The following NEK4 variants were observed in gnomAD, a reference collection of about 807,000 sequenced individuals.
The protein encoded by NEK4 is serine/threonine-protein kinase Nek4.
NEK4 carries 86 observed loss-of-function variants against 98.4 expected under a neutral mutation model. That is an observed-to-expected ratio of 0.87 (90% CI 0.73 to 1.05). The LOEUF (loss-of-function observed/expected upper bound fraction) is 1.05. Among genes scored for constraint, NEK4 ranks in the 50% least tolerant of loss-of-function variants. The pLI, the probability that NEK4 is intolerant of heterozygous loss-of-function variation, is 0.00. For missense variants in NEK4, 898 were observed against 950.3 expected (o/e 0.94, Z 0.72); for synonymous variants, 328 against 342.2 (o/e 0.96, Z 0.46).
chr3:52,751,878 T>A lies in NEK4; in HGVS notation c.1368+54A>T, dbSNP rs539600762. On this transcript the variant is annotated intron_variant, in intron 7 of 15. Transcript: ENST00000233027. ...ACAACAGAACCCACATATTTGTAAC[T>A]GCACTTTCAGTCTTCTCTCCAAAAC... The A allele has an allele frequency of 4.0e-6, 6 of 1,503,260 alleles. No homozygotes were observed. In the South Asian group the frequency reaches 6.3e-5, roughly 16 times the overall value. 93.1% of individuals were successfully genotyped at this position (1,503,260 alleles called of 1,614,324 possible).
At chr3:52,731,842 C>CCA (rs2097369968) in intron 15 of NEK4, among the ~76,000 whole-genome samples, 1 of 152,228 alleles carries the variant, frequency 6.6e-6, no homozygotes, top group South Asian at 2.1e-4. Flanking sequence ...CCCATAATCC[C>CCA]CACGTGTCGT....
At position 52,746,159 on chromosome 3, in the gene NEK4, C is replaced by T. The variant is rs563056783; in HGVS notation, c.1729G>A (p.Val577Met). 8.1e-6 allele frequency: 13 copies of T among 1,614,066 alleles called. No individual in the cohort carries two copies. In the Middle Eastern group the frequency reaches 8.2e-4, roughly 102 times the overall value. ...TCTTTTTGTGTTGATGTGACATCCA[C>T]TTTCCCAACAATGGGATGAGAAGGC... ...FLPSHPIVGK[V>M]DVTSTQKEAE... is the part of the protein sequence containing the mutation. Residue 577 changes from valine to methionine, a missense_variant, in exon 10 of 16, where the codon GTG becomes ATG. Coordinates refer to ENST00000233027, the MANE Select transcript of NEK4 (RefSeq NM_003157.6).
At chr3:52,718,768 T>C (rs2097357506) in intron 15 of NEK4, among the ~76,000 whole-genome samples, 1 of 152,116 alleles carries the variant, frequency 6.6e-6, no homozygotes, top group Non-Finnish European at 1.5e-5. Context: ...GGCCCTTTTT[T>C]TTGAGACGGA....
chr3:52,752,465 C>G, intron 6 of NEK4, 129 bp from the exon 7 acceptor site: 1 of 800,362 alleles, frequency 1.2e-6, no homozygotes, highest in Non-Finnish European at 2.0e-6. Context: ...CAATTCCACT[C>G]CTAAGTATGT....
At chr3:52,767,509 C>G (rs571834945) in intron 2 of NEK4, among the ~76,000 whole-genome samples, 44 of 151,790 alleles carry the variant, frequency 2.9e-4, no homozygotes, top group Non-Finnish European at 5.6e-4. Context: ...GTCAAGAGTT[C>G]GAGACCAGCC....
rs1698543968 is a variant in NEK4, at chr3:52,766,013, A to G, written c.559-19T>C. 3 of 1,546,540 alleles carry G rather than the reference A, an allele frequency of 1.9e-6. No individual in the cohort carries two copies. Among genetic ancestry groups the G allele is most frequent in the Middle Eastern group, 3.4e-4 (2 of 5,938 alleles). Reference sequence around the variant, plus strand: ...CATCAGACTAGAAAATAAAAACAGTAAACGGTTAAATGTCAGAATAGCTTA... The same window carrying G: ...CATCAGACTAGAAAATAAAAACAGTGAACGGTTAAATGTCAGAATAGCTTA... On this transcript the variant is annotated intron_variant, in intron 3 of 15. Transcript: ENST00000233027.
At position 52,739,325 on chromosome 3, in the gene NEK4, G is replaced by A. The variant is rs2097381695; in HGVS notation, c.2299+104C>T. On this transcript the variant is annotated intron_variant, in intron 14 of 15. Transcript: ENST00000233027. ...GAAGCAGGAGAATCGCTTGAACCCG[G>A]GAGGCAAAGGTTGCAGTGAGCCAAG... 9 of 896,938 alleles carry A rather than the reference G, an allele frequency of 1.0e-5. No individual in the cohort carries two copies. The South Asian group carries it at 1.2e-4, about 12-fold the overall frequency. The allele number at this position is 896,938 out of a possible 1,614,324, so 55.6% of individuals were successfully genotyped here. A position where few individuals can be genotyped will look rare whatever the true frequency, so the allele number is the denominator to read the frequency against.
At chr3:52,763,752 G>T in intron 4 of NEK4, 128 bp from the exon 5 acceptor site, 1 of 619,898 alleles carries the variant, frequency 1.6e-6, no homozygotes, top group Non-Finnish European at 2.7e-6. Context: ...CAGTATATTA[G>T]TCTACAGGAA....
chr3:52,744,332 T>A (rs745966372), intron 10 of NEK4, 27 bp from the exon 11 acceptor site: 4 of 1,545,034 alleles, frequency 2.6e-6, no homozygotes, highest in South Asian at 1.1e-5. Flanking sequence ...CAGAGTCACT[T>A]CCATTCCTAC....
intron 15 of NEK4, chr3:52,737,381 G>A (rs1309378230): frequency 6.1e-6 from 3 of 489,008 alleles, no homozygotes; most frequent in Non-Finnish European, 1.1e-5. Flanking sequence ...GGGAGTGACT[G>A]CTAACAGGTG....
Position 52,768,332 on chromosome 3 carries a change from C to T in NEK4, c.360+6G>A, listed in dbSNP as rs772805990. On this transcript the variant is annotated splice_donor_region_variant and intron_variant, in intron 2 of 15. Transcript: ENST00000233027. ...CAAGCTAGGATGCTATTAGTCTACA[C>T]AGTACCTGCAAAGCCATGGCGATCT... 2.5e-6 allele frequency: 4 copies of T among 1,613,920 alleles called. No homozygotes were observed. Among genetic ancestry groups the T allele is most frequent in the Non-Finnish European group, 3.4e-6 (4 of 1,179,816 alleles).
At chr3:52,741,585 G>T in intron 12 of NEK4, 86 bp from the exon 13 acceptor site, 2 of 779,328 alleles carry the variant, frequency 2.6e-6, no homozygotes, top group South Asian at 1.5e-5. Flanking sequence ...GCAACAACTA[G>T]ACACAATACG....
rs150957144 is a variant in NEK4 at position 52,746,101 on chromosome 3, G to A, written c.1787C>T (p.Ser596Phe). The A allele has an allele frequency of 7.4e-5, 120 of 1,614,140 alleles. No homozygotes were observed. The African/African-American group carries it at 1.4e-3, about 18-fold the overall frequency. Residue 596 changes from serine to phenylalanine, a missense_variant, in exon 10 of 16, where the codon TCT (serine) becomes TTT (phenylalanine). Transcript: ENST00000233027. ...CTCACTGCTCCTTGAACTGCTCACA[G>A]ACCCAGTGACCACTCTACGTTGGTT... is the stretch of plus-strand genomic sequence containing the variant. ...AENQRRVVTGSVSSSRSSEMS... is the reference protein window; with the variant it reads ...AENQRRVVTGFVSSSRSSEMS...
At chr3:52,770,464 A>G (rs1314495953) in intron 1 of NEK4, among the ~76,000 whole-genome samples, 190 bp downstream of exon 1, 1 of 150,684 alleles carries the variant, frequency 6.6e-6, no homozygotes, top group Non-Finnish European at 1.5e-5. Flanking sequence ...TTAACACAAC[A>G]AAGAAGTAGA....
Position 52,749,680 on chromosome 3 carries a change from T to C in NEK4, c.1506+12A>G. 7.7e-6 allele frequency: 2 copies of C among 258,092 alleles called. No individual in the cohort carries two copies. Among genetic ancestry groups the C allele is most frequent in the South Asian group, 3.3e-5 (1 of 30,162 alleles). The allele number at this position is 258,092 out of a possible 1,614,324, so 16.0% of individuals were successfully genotyped here. A position where few individuals can be genotyped will look rare whatever the true frequency, so the allele number is the denominator to read the frequency against. On this transcript the variant is annotated intron_variant, in intron 8 of 15. Coordinates refer to ENST00000233027, the MANE Select transcript of NEK4 (RefSeq NM_003157.6). ...AAAACCCCATCTCTGCTAGAAAAAC[T>C]GCAAAAATTACCTGGGCGTGGTGGC...
chr3:52,756,564 A>G (rs995911412), intron 6 of NEK4, among the ~76,000 whole-genome samples: 1 of 152,212 alleles, frequency 6.6e-6, no homozygotes, highest in Non-Finnish European at 1.5e-5. Flanking sequence ...CAGAATAATG[A>G]AGTCAGACCT....
chr3:52,737,789 T>C (rs1247114967), intron 14 of NEK4, 70 bp from the exon 15 acceptor site: 2 of 1,126,246 alleles, frequency 1.8e-6, no homozygotes, highest in African/African-American at 3.2e-5. Context: ...CACTGCAATT[T>C]TTTAAAATTT....
chr3:52,733,274 C>T, intron 15 of NEK4: 1 of 317,190 alleles, frequency 3.2e-6, no homozygotes. Flanking sequence ...TGGACAGAAG[C>T]CTTACAAACG....
Position 52,743,442 on chromosome 3 carries a change from C to T in NEK4, c.1914G>A (p.Ala638=), listed in dbSNP as rs753512463. 19 of 1,613,936 alleles carry T rather than the reference C, an allele frequency of 1.2e-5. No individual in the cohort carries two copies. The highest frequency in any genetic ancestry group is 5.0e-5 in the Admixed American group (3 of 59,998). Residue 638 remains alanine, a synonymous_variant, in exon 12 of 16, where the codon GCG becomes GCA. Coordinates refer to ENST00000233027, the MANE Select transcript of NEK4 (RefSeq NM_003157.6). ...TTCCTGGCCCTGCTACACTCAGAGA[C>T]GCTTTCCTCACTGAAGGGCCTGAAA... ...MSSSGPSVRK[A]SLSVAGPGKP...
Sources: allele counts gnomAD v4.1 joint callset (sites outside exome capture counted in the v4.1 genomes callset), GRCh38; gene constraint gnomAD v4.1.1; transcripts MANE v1.5; gene names NCBI Gene and HGNC (gene_info 2026-07-23, HGNC 2026-07-21).